Variants in WDR97 observed in about 807,000 individuals in gnomAD.
The protein encoded by WDR97 is WD repeat domain 97.
In WDR97, 111 loss-of-function variants were observed where a neutral mutation model predicts 65.4. That is an observed-to-expected ratio of 1.70 (90% CI 1.45 to 1.99). WDR97 has a LOEUF of 1.99. WDR97 is among the 30% of genes most tolerant of loss of function. The pLI, the probability that WDR97 is intolerant of heterozygous loss-of-function variation, is 0.00. For synonymous variants in WDR97, 802 were observed against 397.7 expected, an observed-to-expected ratio of 2.02 and a Z score of -12.10; for missense variants, 1,674 against 865.0, an observed-to-expected ratio of 1.94 and a Z score of -11.73.
rs1220690154 is a variant in WDR97 at position 144,110,340 on chromosome 8, G to C, written c.1844-1G>C. 8 of 702,840 alleles carry C rather than the reference G, an allele frequency of 1.1e-5. No individual in the cohort carries two copies. The East Asian group carries it at 2.1e-4, about 19-fold the overall frequency. The allele number at this position is 702,840 out of a possible 1,614,324, so 43.5% of individuals were successfully genotyped here. On this transcript the variant is annotated splice_acceptor_variant, in intron 6 of 23. Transcript: ENST00000323662. LOFTEE classifies it high-confidence loss of function. ...GCCCAGCCAGATTCCGCTGCCCACA[G>C]GTGGGGACCTGACGGTGAAGATGTG...
rs13278106 is a variant in WDR97, at chr8:144,115,801, A to T, written c.4538A>T (p.Glu1513Val). ...AAGGCTGCGCACCCACACCCGCCAG[A>T]GCCCTACACGGTGGCGCCGGTGCCC... The part of the protein sequence containing the change: ...QEKAAHPHPP[E>V]PYTVAPVPDM... The change falls in exon 22 of 24, where the codon GAG (glutamate) becomes GTG (valine). Residue 1513 changes from glutamate (E) to valine (V), a missense_variant. Glu to Val is a moderately radical substitution (Grantham distance 121). Coordinates refer to ENST00000323662, the MANE Select transcript of WDR97 (RefSeq NM_001316309.2). 688,711 of 692,844 alleles carry T rather than the reference A, an allele frequency of 0.99. 342,419 individuals are homozygous for T. The highest frequency in any genetic ancestry group is 1 in the East Asian group (37,142 of 37,142). The allele number at this position is 692,844 out of a possible 1,614,324, so 42.9% of individuals were successfully genotyped here. A position where few individuals can be genotyped will look rare whatever the true frequency, so the allele number is the denominator to read the frequency against.
chr8:144,112,866 T>C (rs2130090481), intron 15 of WDR97: 1 of 400,158 alleles, frequency 2.5e-6, no homozygotes, highest in Middle Eastern at 6.7e-4. Flanking sequence ...TAGGGACTTT[T>C]CCTGGAAGAT....
Position 144,115,382 on chromosome 8 carries a change from A to G in WDR97, c.4119A>G (p.Thr1373=). 1 of 620,568 alleles carries G rather than the reference A, an allele frequency of 1.6e-6. No homozygotes were observed. The highest frequency in any genetic ancestry group is 2.9e-6 in the Non-Finnish European group (1 of 343,012). 38.4% of individuals were successfully genotyped at this position (620,568 alleles called of 1,614,324 possible). The change falls in exon 22 of 24, where the codon ACA becomes ACG. Residue 1373 remains threonine (T), a synonymous_variant. Transcript: ENST00000323662. ...CGTCAGTGGTCTCTGGGGCACCCAC[A>G]CGCGCCTCCGTGATACCCTCGGGCA... is the stretch of plus-strand genomic sequence containing the variant. ...SQTSVVSGAP[T]RASVIPSGTS...
rs889965557 is a variant in WDR97 at position 144,114,880 on chromosome 8, A to G, written c.4046A>G (p.Gln1349Arg). 61 of 701,334 alleles carry G rather than the reference A, an allele frequency of 8.7e-5. No individual in the cohort carries two copies. The African/African-American group carries it at 1.0e-3, about 12-fold the overall frequency. 43.4% of individuals were successfully genotyped at this position (701,334 alleles called of 1,614,324 possible). A position where few individuals can be genotyped will look rare whatever the true frequency, so the allele number is the denominator to read the frequency against. ...SKAGLRTCCH[Q>R]KLEDMIQELQ... ...GCCGGCCTGCGCACTTGCTGCCACC[A>G]GAAACTGGAGGACATGATCCAGGAG... The change falls in exon 21 of 24, where the codon CAG (glutamine) becomes CGG (arginine). Residue 1349 changes from glutamine to arginine, a missense_variant. Coordinates refer to ENST00000323662, the MANE Select transcript of WDR97 (RefSeq NM_001316309.2).
Position 144,109,885 on chromosome 8 carries a change from G to T in WDR97, c.1551G>T (p.Pro517=). 1.4e-6 allele frequency: 1 copy of T among 701,404 alleles called. No homozygotes were observed. Among genetic ancestry groups the T allele is most frequent in the Non-Finnish European group, 2.6e-6 (1 of 384,262 alleles). 43.4% of individuals were successfully genotyped at this position (701,404 alleles called of 1,614,324 possible). Residue 517 remains proline, a synonymous_variant, in exon 5 of 24, where the codon CCG becomes CCT. Transcript: ENST00000323662. ...GCGTGCTGCACCGCGTGTGCCCGCCGCCGCCCCCTGCGCCGCAGCCTTGCT... is the reference window on the plus strand; with the variant it reads ...GCGTGCTGCACCGCGTGTGCCCGCCTCCGCCCCCTGCGCCGCAGCCTTGCT... ...PMSVLHRVCP[P]PPPAPQPCCL...
Position 144,116,259 on chromosome 8 carries a change from T to A in WDR97, c.4835T>A (p.Leu1612Gln). ...LLQPALQRYF[L>Q]PADADPDTYS ...CAGCCGGCCCTGCAGCGCTACTTTCTGCCAGCGGACGCGGACCCTGACACC... is the reference window on the plus strand; with the variant it reads ...CAGCCGGCCCTGCAGCGCTACTTTCAGCCAGCGGACGCGGACCCTGACACC... Residue 1612 changes from leucine (L) to glutamine (Q), a missense_variant, in exon 24 of 24, where the codon CTG becomes CAG. Leu to Gln is a moderately radical substitution (Grantham distance 113). Coordinates refer to ENST00000323662, the MANE Select transcript of WDR97 (RefSeq NM_001316309.2). The A allele has an allele frequency of 1.5e-6, 1 of 665,080 alleles. No individual in the cohort carries two copies. The highest frequency in any genetic ancestry group is 2.7e-5 in the East Asian group (1 of 36,512). The allele number at this position is 665,080 out of a possible 1,614,324, so 41.2% of individuals were successfully genotyped here.
At chr8:144,112,938 C>T in intron 15 of WDR97, 1 of 304,434 alleles carries the variant, frequency 3.3e-6, no homozygotes, top group South Asian at 5.5e-5. Flanking sequence ...AATCCACTGT[C>T]TTCCCACCCT....
chr8:144,109,473 A>G lies in WDR97; in HGVS notation c.1139A>G (p.Lys380Arg). Reference sequence around the variant, plus strand: ...GCGCTGGGCTTCTGGGGCCAGGACAAGCTGTCCCGGCGCGTGGGCCGTCTG... The same window carrying G: ...GCGCTGGGCTTCTGGGGCCAGGACAGGCTGTCCCGGCGCGTGGGCCGTCTG... ...EVALGFWGQD[K>R]LSRRVGRLLA... The change falls in exon 5 of 24, where the codon AAG becomes AGG. Residue 380 changes from lysine to arginine, a missense_variant. By Grantham distance (26) the Lys-to-Arg change is conservative (BLOSUM62 2). Transcript: ENST00000323662. The G allele has an allele frequency of 1.4e-6, 1 of 699,494 alleles. No homozygotes were observed. Among genetic ancestry groups the G allele is most frequent in the Non-Finnish European group, 2.6e-6 (1 of 383,382 alleles). 43.3% of individuals were successfully genotyped at this position (699,494 alleles called of 1,614,324 possible).
rs1836637114 is a variant in WDR97, at chr8:144,115,652, A to C, written c.4389A>C (p.Gly1463=). 1 of 693,018 alleles carries C rather than the reference A, an allele frequency of 1.4e-6. No homozygotes were observed. The highest frequency in any genetic ancestry group is 2.6e-6 in the Non-Finnish European group (1 of 380,034). 42.9% of individuals were successfully genotyped at this position (693,018 alleles called of 1,614,324 possible). A position where few individuals can be genotyped will look rare whatever the true frequency, so the allele number is the denominator to read the frequency against. ...CTGCCGGGCCTGCTCAGCTGCCCGG[A>C]GAGCCGCCGCCGCTGGAGGAGACCG... The part of the protein sequence containing the change: ...LHPAGPAQLP[G]EPPPLEETDW... Residue 1463 remains glycine (G), a synonymous_variant, in exon 22 of 24, where the codon GGA becomes GGC. Transcript: ENST00000323662.
In WDR97 at chr8:144,111,217, C is replaced by T. The variant is rs1211730066; in HGVS notation, c.2421C>T (p.Ser807=). Residue 807 remains serine (S), a synonymous_variant, in exon 10 of 24, where the codon AGC becomes AGT. Transcript: ENST00000323662. ...TCACCAACCTCCATGGGGCAGCCAG[C>T]CTCAGGTCCCATGCAGGCCTGCTCA... is the stretch of plus-strand genomic sequence containing the variant. ...QRLTNLHGAA[S]LSEALSLIHR... is the part of the protein sequence containing the mutation. 4 of 702,738 alleles carry T rather than the reference C, an allele frequency of 5.7e-6. No individual in the cohort carries two copies. Among genetic ancestry groups the T allele is most frequent in the Non-Finnish European group, 1.0e-5 (4 of 385,006 alleles). 43.5% of individuals were successfully genotyped at this position (702,738 alleles called of 1,614,324 possible).
At chr8:144,112,695 C>G (rs749248992) in intron 15 of WDR97, 165 bp downstream of exon 15, 4 of 627,510 alleles carry the variant, frequency 6.4e-6, no homozygotes, top group Non-Finnish European at 5.8e-6. Context: ...CCCCTCACCC[C>G]TCACCCTTCA....
At position 144,109,590 on chromosome 8, in the gene WDR97, C is replaced by T. The variant is rs1201979386; in HGVS notation, c.1256C>T (p.Ala419Val). ...GTACGCGAGCTCTACTCGCCGTTGG[C>T]GCAACTGCCCGCCAAGGTGCTCCAC... is the stretch of plus-strand genomic sequence containing the variant. ...WRVRELYSPLAQLPAKVLHVQ... is the reference protein window; with the variant it reads ...WRVRELYSPLVQLPAKVLHVQ... Residue 419 changes from alanine (A) to valine (V), a missense_variant, in exon 5 of 24, where the codon GCG (alanine) becomes GTG (valine). Physicochemically the swap from Ala to Val is moderately conservative, Grantham distance 64 (BLOSUM62 0). Coordinates refer to ENST00000323662, the MANE Select transcript of WDR97 (RefSeq NM_001316309.2). 4.3e-6 allele frequency: 3 copies of T among 690,378 alleles called. No individual in the cohort carries two copies. The highest frequency in any genetic ancestry group is 7.9e-6 in the Non-Finnish European group (3 of 379,704). The allele number at this position is 690,378 out of a possible 1,614,324, so 42.8% of individuals were successfully genotyped here. A position where few individuals can be genotyped will look rare whatever the true frequency, so the allele number is the denominator to read the frequency against.
rs752863895 is a variant in WDR97 at position 144,108,280 on chromosome 8, A to T, written c.250-36A>T. On this transcript the variant is annotated intron_variant, in intron 2 of 23. Coordinates refer to ENST00000323662, the MANE Select transcript of WDR97 (RefSeq NM_001316309.2). The stretch of plus-strand genomic sequence containing the variant: ...GGTCCCCTAGGCCGGAGTAGCCCCA[A>T]CCTTTGATTGCGGGCCCGCCCACCC... 4 of 691,474 alleles carry T rather than the reference A, an allele frequency of 5.8e-6. No individual in the cohort carries two copies. The South Asian group carries it at 6.0e-5, about 10-fold the overall frequency. 42.8% of individuals were successfully genotyped at this position (691,474 alleles called of 1,614,324 possible).
chr8:144,109,513 C>T lies in WDR97; in HGVS notation c.1179C>T (p.Arg393=). ...RRVGRLLAPV[R]PGWPVLSLCA... is the part of the protein sequence containing the mutation. Reference sequence around the variant, plus strand: ...TGGGCCGTCTGCTGGCGCCGGTGCGCCCGGGCTGGCCGGTGCTGTCCCTGT... The same window carrying T: ...TGGGCCGTCTGCTGGCGCCGGTGCGTCCGGGCTGGCCGGTGCTGTCCCTGT... Residue 393 remains arginine (R), a synonymous_variant, in exon 5 of 24, where the codon CGC becomes CGT. Transcript: ENST00000323662. The T allele has an allele frequency of 4.3e-6, 3 of 696,576 alleles. No homozygotes were observed. In the Middle Eastern group the frequency reaches 8.2e-4, roughly 191 times the overall value. 43.1% of individuals were successfully genotyped at this position (696,576 alleles called of 1,614,324 possible). A position where few individuals can be genotyped will look rare whatever the true frequency, so the allele number is the denominator to read the frequency against.
Position 144,113,177 on chromosome 8 carries a change from C to T in WDR97, c.3106-263C>T, listed in dbSNP as rs80161654. On this transcript the variant is annotated intron_variant, in intron 15 of 23. Transcript: ENST00000323662. ...GTAAGGAGCTTGCAGGGTGTCAGGGCCCCTAGAAGCCAGCACTTCTCCAGG... is the reference window on the plus strand; with the variant it reads ...GTAAGGAGCTTGCAGGGTGTCAGGGTCCCTAGAAGCCAGCACTTCTCCAGG... 1.5e-3 allele frequency: 799 copies of T among 549,448 alleles called. 6 individuals are homozygous for T. The highest frequency in any genetic ancestry group is 0.014 in the African/African-American group (746 of 51,896). The allele number at this position is 549,448 out of a possible 1,614,324, so 34.0% of individuals were successfully genotyped here.
rs1019302404 is a variant in WDR97, at chr8:144,108,596, T to C, written c.530T>C (p.Leu177Pro). 1.4e-5 allele frequency: 10 copies of C among 700,710 alleles called. No homozygotes were observed. In the Admixed American group the frequency reaches 1.8e-4, roughly 13 times the overall value. The allele number at this position is 700,710 out of a possible 1,614,324, so 43.4% of individuals were successfully genotyped here. The change falls in exon 3 of 24, where the codon CTG becomes CCG. Residue 177 changes from leucine to proline, a missense_variant. Leu to Pro is a moderately conservative substitution (Grantham distance 98). Coordinates refer to ENST00000323662, the MANE Select transcript of WDR97 (RefSeq NM_001316309.2). ...VGWGPAGLAILRPNLSLLWLS... is the reference protein window; with the variant it reads ...VGWGPAGLAIPRPNLSLLWLS... Reference sequence around the variant, plus strand: ...TGGGGCCCCGCGGGGCTGGCAATTCTGAGGCCCAACCTCAGCCTGCTGTGG... The same window carrying C: ...TGGGGCCCCGCGGGGCTGGCAATTCCGAGGCCCAACCTCAGCCTGCTGTGG...
Position 144,110,884 on chromosome 8 carries a change from C to G in WDR97, c.2192C>G (p.Ala731Gly), listed in dbSNP as rs1454952178. The G allele has an allele frequency of 2.8e-6, 2 of 702,888 alleles. No homozygotes were observed. The highest frequency in any genetic ancestry group is 2.0e-5 in the Admixed American group (1 of 50,014). The allele number at this position is 702,888 out of a possible 1,614,324, so 43.5% of individuals were successfully genotyped here. ...RLLRLLQLNG[A>G]PQALAFCSNS... ...TCCAGGCTCCTGCAGCTGAATGGTG[C>G]CCCTCAGGCCCTGGCTTTCTGCAGC... Residue 731 changes from alanine (A) to glycine (G), a missense_variant, in exon 9 of 24, where the codon GCC becomes GGC. By Grantham distance (60) the Ala-to-Gly change is moderately conservative. Transcript: ENST00000323662.
chr8:144,115,659 C>T lies in WDR97; in HGVS notation c.4396C>T (p.Pro1466Ser). 2 of 694,230 alleles carry T rather than the reference C, an allele frequency of 2.9e-6. No individual in the cohort carries two copies. The highest frequency in any genetic ancestry group is 2.6e-6 in the Non-Finnish European group (1 of 380,540). The allele number at this position is 694,230 out of a possible 1,614,324, so 43.0% of individuals were successfully genotyped here. Residue 1466 changes from proline (P) to serine (S), a missense_variant, in exon 22 of 24, where the codon CCG becomes TCG. By Grantham distance (74) the Pro-to-Ser change is moderately conservative. Coordinates refer to ENST00000323662, the MANE Select transcript of WDR97 (RefSeq NM_001316309.2). ...AGPAQLPGEP[P>S]PLEETDWSHS... ...GCCTGCTCAGCTGCCCGGAGAGCCG[C>T]CGCCGCTGGAGGAGACCGACTGGTC...
At position 144,110,004 on chromosome 8, in the gene WDR97, C is replaced by T. The variant is rs755612747; in HGVS notation, c.1670C>T (p.Ser557Phe). 1.4e-6 allele frequency: 1 copy of T among 698,922 alleles called. No homozygotes were observed. The highest frequency in any genetic ancestry group is 2.6e-6 in the Non-Finnish European group (1 of 382,526). 43.3% of individuals were successfully genotyped at this position (698,922 alleles called of 1,614,324 possible). Residue 557 changes from serine (S) to phenylalanine (F), a missense_variant, in exon 5 of 24, where the codon TCT becomes TTT. Physicochemically the swap from Ser to Phe is radical, Grantham distance 155. Transcript: ENST00000323662. ...RQHWGELRCSSVACAWKNKNR... is the reference protein window; with the variant it reads ...RQHWGELRCSFVACAWKNKNR... ...CACTGGGGCGAGTTGCGCTGCAGCT[C>T]TGTGGCCTGCGCCTGGAAGAACAAG... is the stretch of plus-strand genomic sequence containing the variant.
Sources: gnomAD v4.1 joint callset for allele counts on GRCh38, gnomAD v4.1.1 for gene constraint, MANE v1.5 for transcripts, NCBI Gene and HGNC (gene_info 2026-07-23, HGNC 2026-07-21) for gene names.